The following SMG5 variants were observed in gnomAD, a reference collection of about 807,000 sequenced individuals.
SMG5 encodes SMG5 nonsense mediated mRNA decay factor.
SMG5 carries 53 observed loss-of-function variants against 122.9 expected under a neutral mutation model. The ratio of observed to expected loss-of-function variants is 0.43; its 90% CI spans 0.35 to 0.54. The LOEUF (loss-of-function observed/expected upper bound fraction) is 0.54. SMG5 is among the 20% of genes least tolerant of loss of function. The pLI is 0.01. For synonymous variants in SMG5, 477 were observed against 490.2 expected (o/e 0.97, Z 0.35); for missense variants, 1,153 against 1,285.6 (o/e 0.90, Z 1.58).
chr1:156,277,409 G>C (rs143053312), intron 3 of SMG5, among the ~76,000 whole-genome samples, 168 bp from the exon 4 acceptor site: 88 of 151,862 alleles, frequency 5.8e-4, no homozygotes, highest in African/African-American at 1.5e-3. Flanking sequence ...TTCCATCTGG[G>C]ACCAGGCTCC....
Position 156,274,582 on chromosome 1 carries a change from G to A in SMG5, c.544+15C>T, listed in dbSNP as rs868296772. ...GTAACCCAAAACAGAGAAAATGAAAGGTGCAAATTCTTACACAAATCCCCC... is the reference window on the plus strand; with the variant it reads ...GTAACCCAAAACAGAGAAAATGAAAAGTGCAAATTCTTACACAAATCCCCC... On this transcript the variant is annotated intron_variant, in intron 5 of 21. Transcript: ENST00000361813. The A allele has an allele frequency of 4.3e-6, 7 of 1,611,652 alleles. No individual in the cohort carries two copies. The highest frequency in any genetic ancestry group is 4.2e-6 in the Non-Finnish European group (5 of 1,178,170).
In SMG5 at chr1:156,273,009, C is replaced by T. The variant is rs189435333; in HGVS notation, c.634+352G>A. Among the ~76,000 whole-genome samples the T allele has an allele frequency of 2.6e-5, 4 of 152,266 alleles. No homozygotes were observed. In the East Asian group the frequency reaches 7.7e-4, roughly 29 times the overall value. On this transcript the variant is annotated intron_variant, in intron 6 of 21. Coordinates refer to ENST00000361813, the MANE Select transcript of SMG5 (RefSeq NM_015327.3). ...CATGGAGCCCTCTCCTCTATCTCAG[C>T]ACTGAATGCTTGTTCCTACATGCAA...
the SMG5 span, among the ~76,000 whole-genome samples, chr1:156,288,098 C>T: frequency 2.6e-5 from 4 of 151,434 alleles, no homozygotes; most frequent in South Asian, 8.3e-4. Context: ...GCCTACAGTC[C>T]CAACTACTCG....
Position 156,278,989 on chromosome 1 carries a change from G to A in SMG5, c.120C>T (p.Asn40=), listed in dbSNP as rs779182567. 1.2e-6 allele frequency: 2 copies of A among 1,614,056 alleles called. No homozygotes were observed. Among genetic ancestry groups the A allele is most frequent in the East Asian group, 4.5e-5 (2 of 44,896 alleles). ...AVHRLDLILC[N]KTAYQEVFKP... ...TGAATACTTCTTGATAAGCAGTTTT[G>A]TTGCAAAGGATGAGGTCAAGTCGAT... The change falls in exon 2 of 22, where the codon AAC becomes AAT. Residue 40 remains asparagine, a synonymous_variant. Transcript: ENST00000361813.
upstream of SMG5, chr1:156,285,247 G>C (rs1663116033): frequency 6.5e-7 from 1 of 1,545,994 alleles, no homozygotes; most frequent in Non-Finnish European, 8.7e-7. Context: ...AGGAGACCCT[G>C]GCCCTACTGG....
chr1:156,277,423 CCTT>C (rs1184133172), intron 3 of SMG5, among the ~76,000 whole-genome samples, 182 bp from the exon 4 acceptor site: 1 of 152,118 alleles, frequency 6.6e-6, no homozygotes, highest in Non-Finnish European at 1.5e-5. Flanking sequence ...AGGCTCCCCT[CCTT>C]CTCTAATCCT....
chr1:156,265,411 C>T (rs2103226147), intron 12 of SMG5, among the ~76,000 whole-genome samples: 1 of 152,296 alleles, frequency 6.6e-6, no homozygotes, highest in African/African-American at 2.4e-5. Context: ...GGAGAGAAGT[C>T]TCACTCTAAT....
chr1:156,262,522 G>A (rs1372802508), intron 13 of SMG5, among the ~76,000 whole-genome samples: 1 of 150,508 alleles, frequency 6.6e-6, no homozygotes, highest in Non-Finnish European at 1.5e-5. Context: ...AAACCACAAG[G>A]ACTTTCTGGA....
At chr1:156,285,124 A>G (rs1033798622), upstream of SMG5, 25 of 1,420,530 alleles carry the variant, frequency 1.8e-5, no homozygotes, top group Non-Finnish European at 2.3e-5. Context: ...AGTTCTGTCA[A>G]CCTGTCCTAA....
At chr1:156,269,116 G>C (rs1662287195) in intron 7 of SMG5, among the ~76,000 whole-genome samples, 1 of 152,100 alleles carries the variant, frequency 6.6e-6, no homozygotes, top group Non-Finnish European at 1.5e-5. Context: ...GATTACAGGT[G>C]CCTGCCACCA....
chr1:156,282,844 C>T (rs1456810831), upstream of SMG5: 2 of 690,590 alleles, frequency 2.9e-6, no homozygotes, highest in African/African-American at 1.9e-5. Flanking sequence ...CTCCGCCTGC[C>T]AAATCTCGCG....
At chr1:156,264,681 T>C (rs1177243437) in intron 12 of SMG5, among the ~76,000 whole-genome samples, 1 of 152,106 alleles carries the variant, frequency 6.6e-6, no homozygotes. Context: ...AGTGACAGGC[T>C]GGGAGCAAGG....
At chr1:156,255,431 C>T (rs1241364553) in intron 16 of SMG5, among the ~76,000 whole-genome samples, 3 of 151,432 alleles carry the variant, frequency 2.0e-5, no homozygotes, top group Non-Finnish European at 2.9e-5. Context: ...CCCAGCTACT[C>T]GGGAGGCTGA....
chr1:156,278,985 T>C lies in SMG5; in HGVS notation c.124A>G (p.Thr42Ala). 1 of 1,614,152 alleles carries C rather than the reference T, an allele frequency of 6.2e-7. No homozygotes were observed. The highest frequency in any genetic ancestry group is 8.5e-7 in the Non-Finnish European group (1 of 1,180,024). Residue 42 changes from threonine (T) to alanine (A), a missense_variant, in exon 2 of 22, where the codon ACT becomes GCT. Around this residue, in one of 5 missense-constraint regions of SMG5, gnomAD observed 213 missense variants for 197.5 expected, o/e 1.08. Coordinates refer to ENST00000361813, the MANE Select transcript of SMG5 (RefSeq NM_015327.3). ...GGTTTGAATACTTCTTGATAAGCAG[T>C]TTTGTTGCAAAGGATGAGGTCAAGT... The part of the protein sequence containing the change: ...HRLDLILCNK[T>A]AYQEVFKPEN...
At chr1:156,268,223 C>A (rs77533539) in intron 8 of SMG5, 40 bp from the exon 9 acceptor site, 4 of 1,614,008 alleles carry the variant, frequency 2.5e-6, no homozygotes, top group Admixed American at 1.7e-5. Context: ...TGAATGGTCC[C>A]GCAGTCCCTA....
rs1428878527 is a variant in SMG5 at position 156,250,547 on chromosome 1, G to T, written c.*40C>A. 1.9e-6 allele frequency: 3 copies of T among 1,568,322 alleles called. No individual in the cohort carries two copies. In the Admixed American group the frequency reaches 5.0e-5, roughly 26 times the overall value. Reference sequence around the variant, plus strand: ...CCTGGCTGCCAGGGAGGGCAGGAGAGATCTGGAGTCAGCCCCACTGCAGGG... The same window carrying T: ...CCTGGCTGCCAGGGAGGGCAGGAGATATCTGGAGTCAGCCCCACTGCAGGG... On this transcript the variant is annotated 3_prime_UTR_variant, in exon 22 of 22. Transcript: ENST00000361813.
At chr1:156,253,825 A>C (rs2103207251) in intron 16 of SMG5, 1 of 391,524 alleles carries the variant, frequency 2.6e-6, no homozygotes, top group Non-Finnish European at 4.9e-6. Flanking sequence ...TGCTCTTCTC[A>C]ATCTGGTCTC....
chr1:156,255,664 C>T (rs1661546077), intron 16 of SMG5, among the ~76,000 whole-genome samples: 1 of 152,022 alleles, frequency 6.6e-6, no homozygotes, highest in African/African-American at 2.4e-5. Context: ...GGCAGGAGGA[C>T]TGCTTGAGTT....
At chr1:156,286,423 G>A (rs762765250), upstream of SMG5, 3 of 1,614,212 alleles carry the variant, frequency 1.9e-6, no homozygotes, top group Non-Finnish European at 2.5e-6. Flanking sequence ...ACCTGCCCCA[G>A]GATACCCTCA....
Sources: gnomAD v4.1 joint callset for allele counts (sites outside exome capture counted in the v4.1 genomes callset) on GRCh38, gnomAD v4.1.1 for gene constraint, gnomAD v4.1.1 regional missense constraint, MANE v1.5 for transcripts, NCBI Gene and HGNC (gene_info 2026-07-23, HGNC 2026-07-21) for gene names.